Variants in ZC3H12B observed in about 807,000 individuals in gnomAD.
ZC3H12B encodes probable ribonuclease ZC3H12B.
In ZC3H12B, 7 loss-of-function variants were observed where a neutral mutation model predicts 43.9. That is an observed-to-expected ratio of 0.16 (90% CI 0.09 to 0.30). The LOEUF is 0.30. Ranked by LOEUF, ZC3H12B falls within the 10% of genes least tolerant of loss-of-function variation. The pLI is 1.00. For missense variants in ZC3H12B, 475 were observed against 670.2 expected (o/e 0.71, Z 3.22); for synonymous variants, 222 against 241.7 (o/e 0.92, Z 0.76).
At chrX:65,128,987 T>C in the ZC3H12B span, among the ~76,000 whole-genome samples, 1 of 110,933 alleles carries the variant, frequency 9.0e-6, no homozygotes, top group African/African-American at 3.3e-5. Context: ...TGTTTTTTAA[T>C]CTACTCTATC....
At chrX:65,405,269 A>T (rs1223477881) in intron 3 of ZC3H12B, among the ~76,000 whole-genome samples, 1 of 112,590 alleles carries the variant, frequency 8.9e-6, no homozygotes, top group Non-Finnish European at 1.9e-5. Context: ...CAATCTAATG[A>T]TACATCTTAA....
chrX:65,475,636 C>A (rs1387445408), intron 3 of ZC3H12B, among the ~76,000 whole-genome samples: 2 of 111,746 alleles, frequency 1.8e-5, no homozygotes, highest in Admixed American at 1.9e-4. Context: ...TAAAGACATA[C>A]CCAAGACTGG....
intron 3 of ZC3H12B, among the ~76,000 whole-genome samples, chrX:65,399,907 G>A (rs2148047608): frequency 9.0e-6 from 1 of 111,363 alleles, no homozygotes; most frequent in Admixed American, 9.6e-5. Flanking sequence ...GGGTCATTAT[G>A]TTAAGTAAAA....
At chrX:65,176,364 C>T in the ZC3H12B span, among the ~76,000 whole-genome samples, 1 of 111,909 alleles carries the variant, frequency 8.9e-6, no homozygotes, top group African/African-American at 3.2e-5. Flanking sequence ...GGTAGGGCAT[C>T]TCTGAAAGGC....
At chrX:65,348,921 G>T in the ZC3H12B span, among the ~76,000 whole-genome samples, 1 of 110,943 alleles carries the variant, frequency 9.0e-6, no homozygotes, top group African/African-American at 3.3e-5. Flanking sequence ...CATAATAGTG[G>T]GAGACTTTAA....
At chrX:65,064,726 A>G in the ZC3H12B span, among the ~76,000 whole-genome samples, 1 of 111,642 alleles carries the variant, frequency 9.0e-6, no homozygotes, top group Non-Finnish European at 1.9e-5. Context: ...TGATCTGTCT[A>G]ATATTGACAG....
intron 2 of ZC3H12B, among the ~76,000 whole-genome samples, chrX:65,393,277 CCTTT>C (rs2066652104): frequency 8.9e-6 from 1 of 111,956 alleles, no homozygotes; most frequent in Non-Finnish European, 1.9e-5. Flanking sequence ...AATTCAACAT[CCTTT>C]CTTTTTTAAT....
chrX:65,091,138 A>T, the ZC3H12B span, among the ~76,000 whole-genome samples: 73 of 111,692 alleles, frequency 6.5e-4, 1 homozygote, highest in East Asian at 0.02. Context: ...GAATGGACTA[A>T]TACAGCTCTA....
the ZC3H12B span, among the ~76,000 whole-genome samples, chrX:65,094,732 A>T: frequency 8.9e-6 from 1 of 112,267 alleles, no homozygotes; most frequent in Admixed American, 9.4e-5. Context: ...TGAAACAATT[A>T]AAATTGTTGT....
intron 3 of ZC3H12B, among the ~76,000 whole-genome samples, 199 bp downstream of exon 5, chrX:65,398,903 G>C (rs961611544): frequency 3.6e-5 from 4 of 111,752 alleles, no homozygotes; most frequent in African/African-American, 1.3e-4. Context: ...TTTGACAAAG[G>C]TGCCAAGAAC....
At chrX:65,158,231 A>T in the ZC3H12B span, among the ~76,000 whole-genome samples, 1 of 110,538 alleles carries the variant, frequency 9.0e-6, no homozygotes, top group Admixed American at 9.8e-5. Context: ...CGCAATAAAC[A>T]TACGTGTGTA....
At chrX:65,406,872 C>T (rs1005916897) in intron 3 of ZC3H12B, among the ~76,000 whole-genome samples, 2 of 112,529 alleles carry the variant, frequency 1.8e-5, no homozygotes, top group Non-Finnish European at 3.8e-5. Context: ...CCCGCGGCGA[C>T]CAAAATCTCC....
the ZC3H12B span, among the ~76,000 whole-genome samples, chrX:65,057,829 C>T: frequency 9.0e-6 from 1 of 111,579 alleles, no homozygotes; most frequent in Non-Finnish European, 1.9e-5. Context: ...TCATTTCATT[C>T]ATTTGATCTT....
At chrX:65,058,757 A>C in the ZC3H12B span, among the ~76,000 whole-genome samples, 1 of 111,270 alleles carries the variant, frequency 9.0e-6, no homozygotes, top group East Asian at 2.8e-4. Flanking sequence ...TTGCTTACCT[A>C]CTCAAGCCTC....
the ZC3H12B span, among the ~76,000 whole-genome samples, chrX:65,231,353 T>C: frequency 9.0e-6 from 1 of 111,308 alleles, no homozygotes; most frequent in Non-Finnish European, 1.9e-5. Context: ...GCATGCATTA[T>C]CTTGATAAAC....
the ZC3H12B span, among the ~76,000 whole-genome samples, chrX:65,195,586 T>G: frequency 8.9e-6 from 1 of 112,375 alleles, no homozygotes; most frequent in South Asian, 3.7e-4. Flanking sequence ...TAGGATTCCA[T>G]CAGGCTGGTG....
the ZC3H12B span, among the ~76,000 whole-genome samples, chrX:65,257,184 C>G: frequency 8.9e-6 from 1 of 112,051 alleles, no homozygotes; most frequent in Admixed American, 9.4e-5. Flanking sequence ...TTCACAACAG[C>G]AAAGACTTGG....
At chrX:65,432,810 C>T (rs1281815499) in intron 3 of ZC3H12B, among the ~76,000 whole-genome samples, 1 of 112,007 alleles carries the variant, frequency 8.9e-6, no homozygotes, top group Non-Finnish European at 1.9e-5. Flanking sequence ...ATTTACCACC[C>T]TCTGCATGCA....
chrX:65,500,198 G>A (rs1213158576), intron 4 of ZC3H12B, among the ~76,000 whole-genome samples: 1 of 112,427 alleles, frequency 8.9e-6, no homozygotes, highest in African/African-American at 3.2e-5. Flanking sequence ...GAATTGAAGG[G>A]AAGACTAGTT....
Sources: allele counts gnomAD v4.1 joint callset (sites outside exome capture counted in the v4.1 genomes callset), GRCh38; gene constraint gnomAD v4.1.1; transcripts MANE v1.5; gene names NCBI Gene and HGNC (gene_info 2026-07-23, HGNC 2026-07-21).